The following OR2L13 variants were observed in gnomAD, a reference collection of about 807,000 sequenced individuals.
The protein encoded by OR2L13 is olfactory receptor 2L13.
Under a neutral mutation model 15.3 loss-of-function variants are expected in OR2L13, and 14 were observed. The ratio of observed to expected loss-of-function variants is 0.91; its 90% CI spans 0.60 to 1.43. The LOEUF (loss-of-function observed/expected upper bound fraction) is 1.43. OR2L13 is among the 40% of genes most tolerant of loss of function. The pLI is 0.00. For synonymous variants in OR2L13, 152 were observed against 142.9 expected, an observed-to-expected ratio of 1.06 and a Z score of -0.45; for missense variants, 367 against 387.9, an observed-to-expected ratio of 0.95 and a Z score of 0.45.
intron 1 of OR2L13, among the ~76,000 whole-genome samples, chr1:248,098,064 T>G (rs997268762): frequency 6.6e-6 from 1 of 152,220 alleles, no homozygotes; most frequent in African/African-American, 2.4e-5. Flanking sequence ...TCAATCTTTA[T>G]CATACATACC....
chr1:248,052,754 T>C, the OR2L13 span, among the ~76,000 whole-genome samples: 1 of 151,976 alleles, frequency 6.6e-6, no homozygotes, highest in Non-Finnish European at 1.5e-5. Flanking sequence ...AATCAGATTG[T>C]ATGAGTCTTT....
chr1:248,078,348 A>G, the OR2L13 span, among the ~76,000 whole-genome samples: 2 of 151,804 alleles, frequency 1.3e-5, no homozygotes, highest in Admixed American at 6.6e-5. Context: ...GGGCGTGGTG[A>G]CGTAGTCCCA....
the OR2L13 span, among the ~76,000 whole-genome samples, chr1:248,080,553 T>C: frequency 5.3e-5 from 8 of 152,310 alleles, no homozygotes; most frequent in African/African-American, 1.9e-4. Context: ...CTGTGTTAGT[T>C]TCCTGAGAAT....
chr1:247,976,239 C>CACAA, the OR2L13 span, among the ~76,000 whole-genome samples: 3 of 152,206 alleles, frequency 2.0e-5, no homozygotes, highest in East Asian at 5.8e-4. Flanking sequence ...TTGAACCATT[C>CACAA]CCCAGTCACA....
At chr1:247,941,563 G>T in the OR2L13 span, among the ~76,000 whole-genome samples, 3 of 152,204 alleles carry the variant, frequency 2.0e-5, no homozygotes, top group Admixed American at 6.5e-5. Context: ...GATGGATTTT[G>T]GTCTTGATTC....
At chr1:247,959,770 T>C in the OR2L13 span, among the ~76,000 whole-genome samples, 10 of 152,378 alleles carry the variant, frequency 6.6e-5, no homozygotes, top group East Asian at 1.9e-3. Flanking sequence ...CACGTAGTTC[T>C]TGTGCCTTGG....
chr1:248,066,806 G>A, the OR2L13 span, among the ~76,000 whole-genome samples: 1 of 152,078 alleles, frequency 6.6e-6, no homozygotes, highest in South Asian at 2.1e-4. Context: ...TATCCTCTAT[G>A]CATTCTATAA....
chr1:247,945,721 G>A, the OR2L13 span, among the ~76,000 whole-genome samples: 2 of 152,160 alleles, frequency 1.3e-5, no homozygotes, highest in African/African-American at 2.4e-5. Context: ...AGTTCTTCCT[G>A]TTGAATTGAA....
upstream of OR2L13, among the ~76,000 whole-genome samples, chr1:248,091,015 T>A (rs540107946): frequency 8.5e-4 from 130 of 152,336 alleles, 2 homozygotes; most frequent in Middle Eastern, 0.024. Context: ...GTGGTTTTGA[T>A]ATGCATTTCT....
chr1:248,006,010 A>G, the OR2L13 span, among the ~76,000 whole-genome samples: 4 of 152,216 alleles, frequency 2.6e-5, no homozygotes, highest in Non-Finnish European at 4.4e-5. Context: ...ACTCAGTCAG[A>G]TACGTCATAT....
chr1:248,042,136 A>G, the OR2L13 span: 2 of 152,152 alleles, frequency 1.3e-5, no homozygotes, highest in African/African-American at 4.8e-5. Context: ...CTGGATTAAG[A>G]AAATGTGGCA....
At chr1:248,040,024 A>G in the OR2L13 span, 2 of 152,282 alleles carry the variant, frequency 1.3e-5, no homozygotes, top group African/African-American at 4.8e-5. Flanking sequence ...TATTTGAATC[A>G]TTTCCCAGTC....
At chr1:247,961,730 G>T in the OR2L13 span, among the ~76,000 whole-genome samples, 1 of 152,178 alleles carries the variant, frequency 6.6e-6, no homozygotes. Flanking sequence ...GGCAATGACT[G>T]GGTAGAACTT....
chr1:248,020,836 G>C, the OR2L13 span, among the ~76,000 whole-genome samples: 1 of 149,750 alleles, frequency 6.7e-6, no homozygotes, highest in Non-Finnish European at 1.5e-5. Flanking sequence ...TAACTTTTAG[G>C]GTACATGTGC....
the OR2L13 span, among the ~76,000 whole-genome samples, chr1:248,010,543 T>C: frequency 1.3e-5 from 2 of 152,062 alleles, no homozygotes; most frequent in African/African-American, 4.8e-5. Flanking sequence ...TCTCCCATTA[T>C]TATTGTGTGG....
chr1:248,014,043 A>G, the OR2L13 span, among the ~76,000 whole-genome samples: 3 of 152,276 alleles, frequency 2.0e-5, no homozygotes, highest in African/African-American at 4.8e-5. Context: ...AAAAACCCAT[A>G]TTCACAATAA....
At chr1:247,965,218 C>T in the OR2L13 span, 68 of 848,402 alleles carry the variant, frequency 8.0e-5, no homozygotes, top group Non-Finnish European at 1.1e-4. Flanking sequence ...CCATTTTGTA[C>T]CAGAAAGCAC....
the OR2L13 span, among the ~76,000 whole-genome samples, chr1:248,000,585 G>T: frequency 3.0e-4 from 46 of 151,826 alleles, 2 homozygotes; most frequent in Non-Finnish European, 1.5e-5. Flanking sequence ...GGCAGCTTTT[G>T]GAGAATTGTA....
chr1:248,099,602 C>T (rs1298147666), exon 3 of OR2L13: 2 of 1,613,978 alleles, frequency 1.2e-6, no homozygotes, highest in Non-Finnish European at 1.7e-6. Context: ...ATCTCCACCA[C>T]CGTCCCCAAG....
Sources: gnomAD v4.1 joint callset for allele counts (sites outside exome capture counted in the v4.1 genomes callset) on GRCh38, gnomAD v4.1.1 for gene constraint, MANE v1.5 for transcripts, NCBI Gene and HGNC (gene_info 2026-07-23, HGNC 2026-07-21) for gene names.